MAP1LC3B: variants seen among roughly 807,000 people sequenced by gnomAD.
MAP1LC3B encodes the protein microtubule-associated protein 1 light chain 3 beta.
In MAP1LC3B, 12 loss-of-function variants were observed where a neutral mutation model predicts 16.7. The observed-to-expected ratio is 0.72, with a 90% CI of 0.46 to 1.16. The LOEUF is 1.16. Ranked by LOEUF, MAP1LC3B falls within the 50% of genes most tolerant of loss-of-function variation. The probability of loss-of-function intolerance (pLI) is 0.00; values close to 1 mark genes in which losing one functional copy is unlikely to be tolerated. For missense variants in MAP1LC3B, 155 were observed against 159.5 expected, an observed-to-expected ratio of 0.97 and a Z score of 0.15; for synonymous variants, 63 against 56.5, an observed-to-expected ratio of 1.11 and a Z score of -0.51.
In MAP1LC3B at chr16:87,402,890, T is replaced by G. The variant is rs1350905084; in HGVS notation, c.204-33T>G. Reference sequence around the variant, plus strand: ...ATGCTTCATCCTTCTTGTATTGTTGTCAATATTTCTTCACGTTGTTTTCTT... The same window carrying G: ...ATGCTTCATCCTTCTTGTATTGTTGGCAATATTTCTTCACGTTGTTTTCTT... On this transcript the variant is annotated intron_variant, in intron 3 of 3. Coordinates refer to ENST00000268607, the MANE Select transcript of MAP1LC3B (RefSeq NM_022818.5). The G allele has an allele frequency of 2.5e-6, 4 of 1,612,652 alleles. No homozygotes were observed. In the East Asian group the frequency reaches 8.9e-5, roughly 36 times the overall value.
Position 87,399,200 on chromosome 16 carries a change from G to T in MAP1LC3B, c.96+330G>T, listed in dbSNP as rs766636081. Reference sequence around the variant, plus strand: ...TTTTTAAGTTTTTTGTAGAGACAGGGTCTTGCTATGTTTAACAACCCAGGC... The same window carrying T: ...TTTTTAAGTTTTTTGTAGAGACAGGTTCTTGCTATGTTTAACAACCCAGGC... On this transcript the variant is annotated intron_variant, in intron 2 of 3. Coordinates refer to ENST00000268607, the MANE Select transcript of MAP1LC3B (RefSeq NM_022818.5). The T allele has an allele frequency of 3.3e-4, 98 of 301,256 alleles. 2 individuals carry two copies. Among genetic ancestry groups the T allele is most frequent in the Admixed American group, 1.0e-3 (21 of 20,606 alleles). 18.7% of individuals were successfully genotyped at this position (301,256 alleles called of 1,614,324 possible).
At chr16:87,392,625 GGCCCC>G in intron 1 of MAP1LC3B, 158 bp downstream of exon 1, 1 of 593,948 alleles carries the variant, frequency 1.7e-6, no homozygotes, top group Non-Finnish European at 2.2e-6. Flanking sequence ...CGGGGCCCGG[GGCCCC>G]GTGAGGGACC....
chr16:87,396,300 C>G (rs1458331048), intron 1 of MAP1LC3B, among the ~76,000 whole-genome samples: 1 of 151,356 alleles, frequency 6.6e-6, no homozygotes, highest in African/African-American at 2.4e-5. Flanking sequence ...ATGATGAAAC[C>G]CCGTCTTTAC....
At chr16:87,402,381 A>T in intron 3 of MAP1LC3B, 100 bp downstream of exon 3, 1 of 1,138,734 alleles carries the variant, frequency 8.8e-7, no homozygotes, top group Non-Finnish European at 1.2e-6. Context: ...AAAATCTTTA[A>T]AAAATATTTT....
chr16:87,396,431 C>T (rs1484026572), intron 1 of MAP1LC3B, among the ~76,000 whole-genome samples: 1 of 150,766 alleles, frequency 6.6e-6, no homozygotes, highest in Non-Finnish European at 1.5e-5. Context: ...GCAGAGATCG[C>T]GCCACTGCAC....
chr16:87,402,475 A>G, intron 3 of MAP1LC3B, 194 bp downstream of exon 3: 2 of 613,532 alleles, frequency 3.3e-6, no homozygotes, highest in Non-Finnish European at 5.5e-6. Flanking sequence ...GAGGTTTTAT[A>G]TTACTTGCTA....
chr16:87,401,281 T>G (rs1907984887), intron 2 of MAP1LC3B, among the ~76,000 whole-genome samples: 1 of 152,204 alleles, frequency 6.6e-6, no homozygotes, highest in African/African-American at 2.4e-5. Context: ...TAGGTATGTA[T>G]TTTTCATGGT....
At chr16:87,393,121 C>G (rs1907663640) in intron 1 of MAP1LC3B, 1 of 152,314 alleles carries the variant, frequency 6.6e-6, no homozygotes, top group Non-Finnish European at 1.5e-5. Flanking sequence ...GGAGACTTCT[C>G]TTGGGTTTGC....
At chr16:87,402,744 G>A in intron 3 of MAP1LC3B, 179 bp from the exon 4 acceptor site, 1 of 750,760 alleles carries the variant, frequency 1.3e-6, no homozygotes. Flanking sequence ...ATCTTTCAGT[G>A]ATTATAGCTC....
chr16:87,399,379 A>C, intron 2 of MAP1LC3B: 1 of 290,046 alleles, frequency 3.4e-6, no homozygotes, highest in Non-Finnish European at 6.9e-6. Flanking sequence ...TGGAGCCTAC[A>C]CACTGATATT....
At position 87,403,189 on chromosome 16, in the gene MAP1LC3B, A is replaced by T; in HGVS notation, c.*92A>T. 6.8e-7 allele frequency: 1 copy of T among 1,474,622 alleles called. No individual in the cohort carries two copies. The highest frequency in any genetic ancestry group is 9.1e-7 in the Non-Finnish European group (1 of 1,093,372). 91.3% of individuals were successfully genotyped at this position (1,474,622 alleles called of 1,614,324 possible). ...CCAACTGAGATCGATCAGTTCATCCAATCACAGATCATGAAACAGTAGTGT... is the reference window on the plus strand; with the variant it reads ...CCAACTGAGATCGATCAGTTCATCCTATCACAGATCATGAAACAGTAGTGT... On this transcript the variant is annotated 3_prime_UTR_variant, in exon 4 of 4. Coordinates refer to ENST00000268607, the MANE Select transcript of MAP1LC3B (RefSeq NM_022818.5).
intron 1 of MAP1LC3B, 74 bp downstream of exon 1, chr16:87,392,541 C>A: frequency 8.3e-7 from 1 of 1,201,358 alleles, no homozygotes; most frequent in Non-Finnish European, 1.0e-6. Flanking sequence ...GGGCCTGGGA[C>A]GCCGTGAGGG....
chr16:87,397,767 C>G (rs914192450), intron 1 of MAP1LC3B, among the ~76,000 whole-genome samples: 3 of 151,896 alleles, frequency 2.0e-5, no homozygotes, highest in African/African-American at 7.3e-5. Flanking sequence ...CCGTGAGAAT[C>G]AATCCTACCA....
intron 3 of MAP1LC3B, 134 bp downstream of exon 3, chr16:87,402,415 A>C (rs1908027430): frequency 1.2e-6 from 1 of 825,894 alleles, no homozygotes. Flanking sequence ...GTTCTGATTC[A>C]GTTATGATTA....
intron 1 of MAP1LC3B, among the ~76,000 whole-genome samples, chr16:87,397,714 C>T (rs1313917034): frequency 1.3e-5 from 2 of 152,136 alleles, no homozygotes; most frequent in Non-Finnish European, 2.9e-5. Context: ...CATATTTTTT[C>T]TGTCTCAGGA....
chr16:87,399,031 G>C, intron 2 of MAP1LC3B, 161 bp downstream of exon 2: 1 of 625,000 alleles, frequency 1.6e-6, no homozygotes, highest in Non-Finnish European at 2.9e-6. Context: ...TAAGAGACAG[G>C]GTCTCACTCT....
intron 2 of MAP1LC3B, among the ~76,000 whole-genome samples, chr16:87,400,764 A>G (rs530882663): frequency 7.9e-5 from 12 of 151,370 alleles, no homozygotes; most frequent in Non-Finnish European, 1.3e-4. Flanking sequence ...CCTGGAACGC[A>G]TAGCCTCACC....
In MAP1LC3B at chr16:87,398,946, G is replaced by A. The variant is rs886731280; in HGVS notation, c.96+76G>A. On this transcript the variant is annotated intron_variant, in intron 2 of 3. Coordinates refer to ENST00000268607, the MANE Select transcript of MAP1LC3B (RefSeq NM_022818.5). ...CACCGCATAAGTGCATCCACTTGAC[G>A]GGTTTTTACAGGAATCACCAGACAG... 106 of 1,326,496 alleles carry A rather than the reference G, an allele frequency of 8.0e-5. 1 individual carries two copies. The Middle Eastern group carries it at 1.3e-3, about 16-fold the overall frequency. The allele number at this position is 1,326,496 out of a possible 1,614,324, so 82.2% of individuals were successfully genotyped here. A position where few individuals can be genotyped will look rare whatever the true frequency, so the allele number is the denominator to read the frequency against.
At chr16:87,397,780 G>C (rs556377804) in intron 1 of MAP1LC3B, among the ~76,000 whole-genome samples, 2 of 151,808 alleles carry the variant, frequency 1.3e-5, no homozygotes, top group Non-Finnish European at 1.5e-5. Flanking sequence ...TCCTACCATA[G>C]TAAATCAAGG....
Sources: gnomAD v4.1 joint callset for allele counts (sites outside exome capture counted in the v4.1 genomes callset) on GRCh38, gnomAD v4.1.1 for gene constraint, MANE v1.5 for transcripts, NCBI Gene and HGNC (gene_info 2026-07-23, HGNC 2026-07-21) for gene names.